COPS4: variants seen among roughly 807,000 people sequenced by gnomAD.
COPS4 encodes the protein COP9 signalosome subunit 4.
Under a neutral mutation model 55.1 loss-of-function variants are expected in COPS4, and 8 were observed. The observed-to-expected ratio is 0.15, with a 90% CI of 0.09 to 0.26. COPS4 has a LOEUF of 0.26. Among genes scored for constraint, COPS4 ranks in the 10% least tolerant of loss-of-function variants. The pLI, the probability that COPS4 is intolerant of heterozygous loss-of-function variation, is 1.00. For missense variants in COPS4, 248 were observed against 484.0 expected (o/e 0.51, Z 4.58); for synonymous variants, 185 against 165.7 (o/e 1.12, Z -0.90).
At chr4:83,054,145 A>G (rs1036621606) in intron 4 of COPS4, among the ~76,000 whole-genome samples, 1 of 152,122 alleles carries the variant, frequency 6.6e-6, no homozygotes, top group Admixed American at 6.5e-5. Context: ...GATCAAGACC[A>G]TCCTGGCTAA....
At chr4:83,047,029 A>G (rs763263949) in intron 2 of COPS4, among the ~76,000 whole-genome samples, 5 of 152,228 alleles carry the variant, frequency 3.3e-5, no homozygotes, top group African/African-American at 7.2e-5. Context: ...GTATTACCCA[A>G]TAATGAATTC....
intron 2 of COPS4, among the ~76,000 whole-genome samples, chr4:83,048,897 G>A (rs547441391): frequency 1.3e-5 from 2 of 152,038 alleles, no homozygotes; most frequent in South Asian, 2.1e-4. Flanking sequence ...TGCCTGCCTC[G>A]GCCTCCCAAA....
At chr4:83,035,352 C>A in intron 1 of COPS4, 54 bp downstream of exon 1, 1 of 1,360,156 alleles carries the variant, frequency 7.4e-7, no homozygotes, top group Non-Finnish European at 1.0e-6. Flanking sequence ...AAAGCCACAG[C>A]CTTAATCTCC....
At chr4:83,064,794 A>T (rs1731253268) in intron 7 of COPS4, among the ~76,000 whole-genome samples, 1 of 150,412 alleles carries the variant, frequency 6.6e-6, no homozygotes, top group Non-Finnish European at 1.5e-5. Context: ...TCCTGGCCTC[A>T]AAGAATCTTC....
chr4:83,053,405 G>A (rs974169896), intron 4 of COPS4, among the ~76,000 whole-genome samples: 1 of 152,182 alleles, frequency 6.6e-6, no homozygotes, highest in Non-Finnish European at 1.5e-5. Context: ...GACCATAGGA[G>A]TTAGGCTAGG....
chr4:83,049,224 A>T lies in COPS4; in HGVS notation c.213A>T (p.Thr71=). 1 of 1,611,976 alleles carries T rather than the reference A, an allele frequency of 6.2e-7. No individual in the cohort carries two copies. Among genetic ancestry groups the T allele is most frequent in the Non-Finnish European group, 8.5e-7 (1 of 1,179,314 alleles). The change falls in exon 3 of 10, where the codon ACA becomes ACT. Residue 71 remains threonine (T), a synonymous_variant. Coordinates refer to ENST00000264389, the MANE Select transcript of COPS4 (RefSeq NM_016129.3). ...ISRQLLTDFC[T]HLPNLPDSTA... ...GGCAGTTGCTGACTGATTTTTGCAC[A>T]CATCTTCCTAACTTGCCTGATAGCA...
intron 2 of COPS4, among the ~76,000 whole-genome samples, chr4:83,048,832 A>G (rs1730786268): frequency 6.6e-6 from 1 of 151,918 alleles, no homozygotes; most frequent in African/African-American, 2.4e-5. Flanking sequence ...TTTTTAGTAG[A>G]GACAGCGTTT....
At chr4:83,047,885 C>T (rs1730762910) in intron 2 of COPS4, among the ~76,000 whole-genome samples, 1 of 151,848 alleles carries the variant, frequency 6.6e-6, no homozygotes, top group South Asian at 2.1e-4. Context: ...CCTGTAGTCC[C>T]AGCTACTCAG....
At position 83,068,425 on chromosome 4, in the gene COPS4, T is replaced by TC. The variant is rs1334814569; in HGVS notation, c.1003-13_1003-12insC. 6.3e-7 allele frequency: 1 copy of TC among 1,583,490 alleles called. No homozygotes were observed. ...ATGATAAAGTTTCTGAGAGTTTTTT[T>TC]TTCCCCCAATAGGCGGAAAAGATAG... is the stretch of plus-strand genomic sequence containing the variant. On this transcript the variant is annotated splice_polypyrimidine_tract_variant and intron_variant, in intron 8 of 9. Transcript: ENST00000264389.
At chr4:83,038,117 T>C (rs1330186859) in intron 1 of COPS4, among the ~76,000 whole-genome samples, 1 of 152,220 alleles carries the variant, frequency 6.6e-6, no homozygotes, top group Non-Finnish European at 1.5e-5. Flanking sequence ...CAACGGAGGA[T>C]AGACTTTATT....
Position 83,075,462 on chromosome 4 carries a change from T to C in COPS4, c.*32T>C, listed in dbSNP as rs1731548866. 5 of 1,610,736 alleles carry C rather than the reference T, an allele frequency of 3.1e-6. No individual in the cohort carries two copies. Among genetic ancestry groups the C allele is most frequent in the Admixed American group, 1.7e-5 (1 of 59,594 alleles). On this transcript the variant is annotated 3_prime_UTR_variant, in exon 10 of 10. Transcript: ENST00000264389. ...GCAGAACTTCTGTGCACATGACATC[T>C]TTTTCCATGTTGTGCAGATCAGTTT...
At chr4:83,036,467 A>G (rs1458475152) in intron 1 of COPS4, among the ~76,000 whole-genome samples, 1 of 152,182 alleles carries the variant, frequency 6.6e-6, no homozygotes, top group Admixed American at 6.5e-5. Flanking sequence ...ATCTACTTTT[A>G]TCAGTGGGAA....
At chr4:83,061,598 A>G (rs1731165283) in intron 6 of COPS4, among the ~76,000 whole-genome samples, 1 of 152,202 alleles carries the variant, frequency 6.6e-6, no homozygotes, top group South Asian at 2.1e-4. Context: ...TAGAACTGCT[A>G]TGAACATTCT....
At chr4:83,067,939 T>C (rs1395681882) in intron 8 of COPS4, among the ~76,000 whole-genome samples, 1 of 152,218 alleles carries the variant, frequency 6.6e-6, no homozygotes, top group Non-Finnish European at 1.5e-5. Flanking sequence ...AGTTTGCTTA[T>C]GCACAGTAAA....
intron 8 of COPS4, among the ~76,000 whole-genome samples, chr4:83,067,527 T>C (rs940080068): frequency 6.9e-4 from 93 of 133,986 alleles, no homozygotes; most frequent in African/African-American, 1.9e-3. Context: ...CCCAGCCCTT[T>C]TTTTTTTTTT....
chr4:83,036,412 CTG>C (rs1175481375), intron 1 of COPS4, among the ~76,000 whole-genome samples: 1 of 152,178 alleles, frequency 6.6e-6, no homozygotes, highest in African/African-American at 2.4e-5. Flanking sequence ...GAAATTCTGA[CTG>C]TTTTAAGTAG....
At chr4:83,051,519 C>T (rs1730889582) in intron 4 of COPS4, among the ~76,000 whole-genome samples, 1 of 152,088 alleles carries the variant, frequency 6.6e-6, no homozygotes, top group East Asian at 1.9e-4. Context: ...TAAGGATTTC[C>T]TGATGGCTTG....
chr4:83,056,231 C>T (rs943576351), intron 4 of COPS4, among the ~76,000 whole-genome samples: 8 of 152,064 alleles, frequency 5.3e-5, no homozygotes, highest in Admixed American at 1.3e-4. Context: ...CACGCCCGGC[C>T]TTAGGATTTA....
intron 1 of COPS4, among the ~76,000 whole-genome samples, chr4:83,042,776 T>A: frequency 6.6e-6 from 1 of 152,088 alleles, no homozygotes; most frequent in East Asian, 1.9e-4. Context: ...CTAATTTTTT[T>A]ATATTTTTGG....
Sources: allele counts gnomAD v4.1 joint callset (sites outside exome capture counted in the v4.1 genomes callset), GRCh38; gene constraint gnomAD v4.1.1; transcripts MANE v1.5; gene names NCBI Gene and HGNC (gene_info 2026-07-23, HGNC 2026-07-21).